SPINK8: variants seen among roughly 807,000 people sequenced by gnomAD.
The protein encoded by SPINK8 is serine peptidase inhibitor Kazal type 8 (putative).
In SPINK8, 12 loss-of-function variants were observed where a neutral mutation model predicts 14.4. The observed-to-expected ratio is 0.83, with a 90% CI of 0.53 to 1.35. SPINK8 has a LOEUF of 1.35. SPINK8 is among the 40% of genes most tolerant of loss of function. SPINK8 has a pLI of 0.00. For synonymous variants in SPINK8, 32 were observed against 37.6 expected (o/e 0.85, Z 0.55); for missense variants, 103 against 117.0 (o/e 0.88, Z 0.55).
intron 6 of SPINK8, among the ~76,000 whole-genome samples, chr3:48,312,973 G>A (rs1180326960): frequency 1.4e-5 from 2 of 145,800 alleles, no homozygotes; most frequent in Non-Finnish European, 3.0e-5. Context: ...ACTCCAGCCT[G>A]GGAACAGAGT....
chr3:48,309,174 T>G (rs1425247814), intron 7 of SPINK8, among the ~76,000 whole-genome samples: 1 of 152,240 alleles, frequency 6.6e-6, no homozygotes, highest in Non-Finnish European at 1.5e-5. Context: ...ACAATTGTCC[T>G]GTTTTACCTG....
intron 6 of SPINK8, among the ~76,000 whole-genome samples, chr3:48,310,788 T>C (rs1178875815): frequency 6.6e-6 from 1 of 152,158 alleles, no homozygotes; most frequent in Non-Finnish European, 1.5e-5. Context: ...CATGAGCCAC[T>C]GCACCTGGCC....
chr3:48,332,809 A>G (rs189759157), intron 1 of SPINK8, among the ~76,000 whole-genome samples: 2 of 152,332 alleles, frequency 1.3e-5, no homozygotes, highest in East Asian at 3.9e-4. Context: ...TAACCCTTGT[A>G]AAACATCAAT....
chr3:48,317,509 C>CATTTATTT (rs911724772), intron 6 of SPINK8, among the ~76,000 whole-genome samples: 1 of 151,802 alleles, frequency 6.6e-6, no homozygotes, highest in Non-Finnish European at 1.5e-5. Flanking sequence ...AAAAAAGGAG[C>CATTTATTT]ATTTATTTAT....
intron 2 of SPINK8, among the ~76,000 whole-genome samples, chr3:48,330,434 GCTTGAAC>G (rs2036239599): frequency 1.3e-5 from 2 of 152,094 alleles, no homozygotes; most frequent in South Asian, 4.1e-4. Flanking sequence ...CATGAGAATC[GCTTGAAC>G]CCAAGAGGCA....
rs540152172 is a variant in SPINK8 at position 48,318,080 on chromosome 3, T to G, written c.239+1417A>C. Among the ~76,000 whole-genome samples the G allele has an allele frequency of 8.5e-5, 13 of 152,208 alleles. No homozygotes were observed. The South Asian group carries it at 2.5e-3, about 29-fold the overall frequency. Reference sequence around the variant, plus strand: ...ATTTTTGTAATTAAGTTGGTATTAATCCAAATTAGATTGGTATAAATTAGA... The same window carrying G: ...ATTTTTGTAATTAAGTTGGTATTAAGCCAAATTAGATTGGTATAAATTAGA... On this transcript the variant is annotated intron_variant, in intron 6 of 7. Transcript: ENST00000434006.
intron 4 of SPINK8, among the ~76,000 whole-genome samples, chr3:48,327,885 T>A (rs556146782): frequency 1.7e-4 from 26 of 152,328 alleles, no homozygotes; most frequent in African/African-American, 6.3e-4. Context: ...TACTGTTAAC[T>A]ATAAGCATGA....
At chr3:48,322,484 T>C (rs1368428211) in intron 4 of SPINK8, among the ~76,000 whole-genome samples, 3 of 151,626 alleles carry the variant, frequency 2.0e-5, no homozygotes, top group African/African-American at 2.4e-5. Flanking sequence ...TACAGGTGCA[T>C]GCCACCATGC....
chr3:48,321,194 C>CCTCTTCTGA, intron 4 of SPINK8, 120 bp from the exon 5 acceptor site: 1 of 892,866 alleles, frequency 1.1e-6, no homozygotes, highest in Middle Eastern at 2.8e-4. Flanking sequence ...TCAGAAGAGG[C>CCTCTTCTGA]TGGGCTCCTC....
intron 6 of SPINK8, among the ~76,000 whole-genome samples, chr3:48,315,273 A>T (rs1054893983): frequency 6.6e-6 from 1 of 152,350 alleles, no homozygotes; most frequent in African/African-American, 2.4e-5. Context: ...ATATTATTCA[A>T]AATATTCAAT....
intron 4 of SPINK8, among the ~76,000 whole-genome samples, chr3:48,327,423 C>T (rs2036160931): frequency 6.6e-6 from 1 of 152,074 alleles, no homozygotes; most frequent in Admixed American, 6.6e-5. Flanking sequence ...ACTACAAGAA[C>T]AAGGAAAGGG....
intron 6 of SPINK8, among the ~76,000 whole-genome samples, chr3:48,311,466 T>C (rs1382640284): frequency 1.3e-5 from 2 of 152,204 alleles, no homozygotes; most frequent in African/African-American, 4.8e-5. Context: ...TATTCAAAGA[T>C]GATATGATTC....
intron 7 of SPINK8, among the ~76,000 whole-genome samples, chr3:48,307,264 G>A: frequency 6.6e-6 from 1 of 152,158 alleles, no homozygotes. Context: ...AGGGGATAGA[G>A]GCAGTGGAGT....
intron 7 of SPINK8, among the ~76,000 whole-genome samples, chr3:48,308,513 T>C (rs1445942655): frequency 6.6e-6 from 1 of 152,128 alleles, no homozygotes; most frequent in African/African-American, 2.4e-5. Flanking sequence ...ACTGTTGAGG[T>C]CCCAACATGA....
At chr3:48,328,431 C>A in intron 3 of SPINK8, 77 bp from the exon 4 acceptor site, 1 of 1,025,182 alleles carries the variant, frequency 9.8e-7, no homozygotes, top group Non-Finnish European at 1.4e-6. Flanking sequence ...CCCTCACTGA[C>A]CAGGAAATGA....
chr3:48,333,091 T>C (rs1308113433), intron 1 of SPINK8, among the ~76,000 whole-genome samples: 1 of 152,174 alleles, frequency 6.6e-6, no homozygotes, highest in Non-Finnish European at 1.5e-5. Context: ...GGGCTTCCTG[T>C]AGGGCATAAA....
intron 7 of SPINK8, among the ~76,000 whole-genome samples, chr3:48,307,962 T>C (rs1483506074): frequency 1.6e-5 from 1 of 61,670 alleles, no homozygotes; most frequent in Non-Finnish European, 4.5e-5. Flanking sequence ...GTCTGCATTC[T>C]TTTTTTTTTT....
At chr3:48,307,167 G>C (rs977955725) in intron 7 of SPINK8, among the ~76,000 whole-genome samples, 164 bp from the exon 8 acceptor site, 3 of 152,320 alleles carry the variant, frequency 2.0e-5, no homozygotes, top group African/African-American at 4.8e-5. Context: ...GAAGGAAAAA[G>C]CAGAGTGAAA....
At chr3:48,328,488 G>A in intron 3 of SPINK8, 134 bp from the exon 4 acceptor site, 1 of 511,590 alleles carries the variant, frequency 2.0e-6, no homozygotes, top group Non-Finnish European at 3.4e-6. Context: ...AATGAATTGT[G>A]TCTGATGCAA....
Sources: allele counts gnomAD v4.1 joint callset (sites outside exome capture counted in the v4.1 genomes callset), GRCh38; gene constraint gnomAD v4.1.1; transcripts MANE v1.5; gene names NCBI Gene and HGNC (gene_info 2026-07-23, HGNC 2026-07-21).